The following ESRRG variants were observed in gnomAD, a reference collection of about 807,000 sequenced individuals.
The protein encoded by ESRRG is estrogen-related receptor gamma.
A neutral mutation model predicts 44.0 loss-of-function variants in ESRRG; 13 were observed. The ratio of observed to expected loss-of-function variants is 0.30; its 90% CI spans 0.19 to 0.47. The LOEUF is 0.47. ESRRG is among the 20% of genes least tolerant of loss of function. The pLI, the probability that ESRRG is intolerant of heterozygous loss-of-function variation, is 1.00. For synonymous variants in ESRRG, 215 were observed against 214.6 expected, an observed-to-expected ratio of 1.00 and a Z score of -0.02; for missense variants, 395 against 580.6, an observed-to-expected ratio of 0.68 and a Z score of 3.29.
chr1:216,505,089 C>G lies in ESRRG; in HGVS notation c.*1850G>C, dbSNP rs1053345241. 2 of 152,596 alleles carry G rather than the reference C, an allele frequency of 1.3e-5. No homozygotes were observed. Among genetic ancestry groups the G allele is most frequent in the Non-Finnish European group, 2.9e-5 (2 of 68,032 alleles). The allele number at this position is 152,596 out of a possible 1,614,324, so 9.5% of individuals were successfully genotyped here. ...AACATTGAAAAGCTGAACTACATTT[C>G]TTTTGTTTGTTAGGATTACAATTTT... On this transcript the variant is annotated 3_prime_UTR_variant, in exon 7 of 7. Coordinates refer to ENST00000408911, the MANE Select transcript of ESRRG (RefSeq NM_001438.4).
chr1:216,958,496 C>T (rs1486934645), intron 1 of ESRRG, among the ~76,000 whole-genome samples: 1 of 125,690 alleles, frequency 8.0e-6, no homozygotes, highest in Non-Finnish European at 1.9e-5. Context: ...ACAATGGCAT[C>T]TCACTGTGGT....
intron 2 of ESRRG, among the ~76,000 whole-genome samples, chr1:216,925,908 C>T (rs1166110823): frequency 6.6e-6 from 1 of 151,958 alleles, no homozygotes; most frequent in Admixed American, 6.6e-5. Context: ...CAACATCGCA[C>T]CATGGCACTC....
At chr1:216,686,372 T>C (rs3929878) in intron 1 of ESRRG, among the ~76,000 whole-genome samples, 120,124 of 149,912 alleles carry the variant, frequency 0.8, 48,080 homozygotes, top group Admixed American at 0.82. Context: ...TATATCTGCA[T>C]ATATATTTAA....
intron 1 of ESRRG, among the ~76,000 whole-genome samples, chr1:217,109,888 G>A (rs2092641815): frequency 6.6e-6 from 1 of 152,204 alleles, no homozygotes; most frequent in South Asian, 2.1e-4. Context: ...ATTCTAAAAG[G>A]TTTTAATTTC....
chr1:217,108,765 C>T (rs565812351), intron 1 of ESRRG, among the ~76,000 whole-genome samples: 1 of 152,208 alleles, frequency 6.6e-6, no homozygotes, highest in East Asian at 1.9e-4. Flanking sequence ...AGATAGCCAG[C>T]ACCAGGCTTC....
At chr1:216,922,041 G>A (rs562137064) in intron 2 of ESRRG, among the ~76,000 whole-genome samples, 10 of 152,122 alleles carry the variant, frequency 6.6e-5, no homozygotes, top group African/African-American at 9.7e-5. Flanking sequence ...GGATAACACC[G>A]CGGTTACCAC....
At chr1:216,848,546 C>T (rs1351841884) in intron 2 of ESRRG, among the ~76,000 whole-genome samples, 2 of 152,034 alleles carry the variant, frequency 1.3e-5, no homozygotes, top group African/African-American at 4.8e-5. Context: ...AATTCATTAA[C>T]AAAAATTAAT....
At chr1:216,507,257 T>C in intron 6 of ESRRG, 74 bp from the exon 7 acceptor site, 1 of 995,550 alleles carries the variant, frequency 1.0e-6, no homozygotes, top group Non-Finnish European at 1.4e-6. Context: ...GTTATAAAAT[T>C]AGTTATTAAT....
intron 1 of ESRRG, among the ~76,000 whole-genome samples, chr1:216,963,240 T>C (rs1560280095): frequency 6.6e-6 from 1 of 152,182 alleles, no homozygotes; most frequent in African/African-American, 2.4e-5. Flanking sequence ...GAAAGGAATG[T>C]ATATCACGCA....
intron 2 of ESRRG, among the ~76,000 whole-genome samples, chr1:216,752,708 G>T (rs925719703): frequency 1.3e-5 from 2 of 151,990 alleles, no homozygotes; most frequent in Non-Finnish European, 2.9e-5. Context: ...CCTATACTAG[G>T]GTATTTTAGA....
At chr1:216,963,684 A>C (rs2069625923) in intron 1 of ESRRG, among the ~76,000 whole-genome samples, 1 of 152,216 alleles carries the variant, frequency 6.6e-6, no homozygotes, top group African/African-American at 2.4e-5. Context: ...TCCTTAGGGA[A>C]ACCCGAGAAG....
intron 1 of ESRRG, among the ~76,000 whole-genome samples, chr1:216,972,358 G>A (rs2071865726): frequency 6.6e-6 from 1 of 152,094 alleles, no homozygotes; most frequent in Admixed American, 6.6e-5. Context: ...AATTGCCAAT[G>A]GGACACCTAA....
chr1:216,798,299 G>T (rs1395732463), intron 2 of ESRRG, among the ~76,000 whole-genome samples: 1 of 152,136 alleles, frequency 6.6e-6, no homozygotes, highest in Non-Finnish European at 1.5e-5. Flanking sequence ...TTTAGCTAGG[G>T]AGTCACAGAA....
At chr1:216,770,011 AG>A (rs2093312506) in intron 2 of ESRRG, among the ~76,000 whole-genome samples, 1 of 152,094 alleles carries the variant, frequency 6.6e-6, no homozygotes, top group Admixed American at 6.6e-5. Context: ...CTACCAAACA[AG>A]GAAAACTGAG....
At chr1:217,096,562 C>T (rs529329203) in intron 1 of ESRRG, among the ~76,000 whole-genome samples, 2 of 152,160 alleles carry the variant, frequency 1.3e-5, no homozygotes, top group South Asian at 2.1e-4. Flanking sequence ...AGGTAACGAT[C>T]CTTAGAGCAC....
intron 1 of ESRRG, among the ~76,000 whole-genome samples, chr1:217,016,346 C>A (rs1266343872): frequency 6.6e-6 from 1 of 151,996 alleles, no homozygotes. Flanking sequence ...TAGAATTTGG[C>A]TCTCATGTGA....
intron 2 of ESRRG, among the ~76,000 whole-genome samples, chr1:216,796,847 A>G (rs2094482205): frequency 6.6e-6 from 1 of 152,140 alleles, no homozygotes; most frequent in Non-Finnish European, 1.5e-5. Context: ...AAATGTCAGC[A>G]TCACTTTTTT....
intron 2 of ESRRG, among the ~76,000 whole-genome samples, chr1:216,830,044 C>T (rs901124258): frequency 1.3e-5 from 2 of 152,106 alleles, no homozygotes; most frequent in Non-Finnish European, 2.9e-5. Context: ...CACACACATG[C>T]ACACACACAG....
chr1:216,526,024 G>A (rs887672405), intron 5 of ESRRG, among the ~76,000 whole-genome samples: 1 of 152,168 alleles, frequency 6.6e-6, no homozygotes, highest in Non-Finnish European at 1.5e-5. Context: ...GGAGAAAGCT[G>A]ACAGATATCT....
Sources: gnomAD v4.1 joint callset for allele counts (sites outside exome capture counted in the v4.1 genomes callset) on GRCh38, gnomAD v4.1.1 for gene constraint, MANE v1.5 for transcripts, NCBI Gene and HGNC (gene_info 2026-07-23, HGNC 2026-07-21) for gene names.